TSHZ2: variants seen among roughly 807,000 people sequenced by gnomAD.
TSHZ2 encodes teashirt zinc finger homeobox 2.
TSHZ2 carries 21 observed loss-of-function variants against 74.4 expected under a neutral mutation model. The ratio of observed to expected loss-of-function variants is 0.28; its 90% CI spans 0.20 to 0.41. The LOEUF (loss-of-function observed/expected upper bound fraction) is 0.41, where lower values mean the gene tolerates loss of function less well. Ranked by LOEUF, TSHZ2 falls within the 10% of genes least tolerant of loss-of-function variation. The probability of loss-of-function intolerance (pLI) is 1.00; values close to 1 mark genes in which losing one functional copy is unlikely to be tolerated. For missense variants in TSHZ2, 1,244 were observed against 1,293.5 expected (o/e 0.96, Z 0.59); for synonymous variants, 540 against 515.3 (o/e 1.05, Z -0.65).
chr20:53,163,360 CTTTTT>C (rs55685519), intron 1 of TSHZ2, among the ~76,000 whole-genome samples: 5 of 65,634 alleles, frequency 7.6e-5, no homozygotes, highest in East Asian at 1.2e-3. Flanking sequence ...CTCTCTGTCT[CTTTTT>C]TTTTTTTTTT....
chr20:53,222,085 A>G (rs758823817), intron 1 of TSHZ2, among the ~76,000 whole-genome samples: 3 of 152,180 alleles, frequency 2.0e-5, no homozygotes, highest in Admixed American at 2.0e-4. Context: ...TACTTCTTAT[A>G]ATATTTAGGC....
intron 2 of TSHZ2, among the ~76,000 whole-genome samples, chr20:53,416,217 C>A (rs150919047): frequency 6.6e-6 from 1 of 152,252 alleles, no homozygotes. Context: ...AGAACACAGA[C>A]CCCAGAGGGC....
chr20:53,293,775 T>C (rs1991325080), intron 2 of TSHZ2, among the ~76,000 whole-genome samples: 1 of 151,346 alleles, frequency 6.6e-6, no homozygotes, highest in Non-Finnish European at 1.5e-5. Context: ...CCCAGCACTT[T>C]GGGAAGCCAA....
At chr20:53,225,435 G>C (rs1020549086) in intron 1 of TSHZ2, among the ~76,000 whole-genome samples, 15 of 152,252 alleles carry the variant, frequency 9.9e-5, no homozygotes, top group Non-Finnish European at 1.0e-4. Flanking sequence ...TTAACGGAGA[G>C]AGCTGGATTC....
Position 53,383,119 on chromosome 20 carries a change from C to T in TSHZ2, c.*9-104025C>T, listed in dbSNP as rs1050698702. On this transcript the variant is annotated intron_variant, in intron 2 of 2. Coordinates refer to ENST00000371497, the MANE Select transcript of TSHZ2 (RefSeq NM_173485.6). ...CTAATAAAATACAAAAGAAATTAGC[C>T]GGGGGTGGCGGTGTGCACCTGTAGT... is the stretch of plus-strand genomic sequence containing the variant. Among the ~76,000 whole-genome samples, 10 of 151,702 alleles carry T rather than the reference C, an allele frequency of 6.6e-5. No homozygotes were observed. In the South Asian group the frequency reaches 1.7e-3, roughly 25 times the overall value.
chr20:53,328,472 C>G (rs933502875), intron 2 of TSHZ2, among the ~76,000 whole-genome samples: 3 of 152,216 alleles, frequency 2.0e-5, no homozygotes, highest in Admixed American at 6.5e-5. Context: ...AATTTGTCCT[C>G]TCTGCAATGC....
chr20:53,049,629 T>C (rs1233735752), intron 1 of TSHZ2, among the ~76,000 whole-genome samples: 3 of 152,064 alleles, frequency 2.0e-5, no homozygotes, highest in Non-Finnish European at 4.4e-5. Flanking sequence ...AGGATTCAGC[T>C]TGGGATTGTA....
intron 1 of TSHZ2, among the ~76,000 whole-genome samples, chr20:53,096,964 AAAC>A (rs1201688259): frequency 2.0e-5 from 3 of 152,136 alleles, no homozygotes; most frequent in African/African-American, 4.8e-5. Context: ...AAACAACAAA[AAAC>A]AAGTTTTGTC....
rs578082408 is a variant in TSHZ2, at chr20:53,140,021, G to A, written c.41-113478G>A. Reference sequence around the variant, plus strand: ...AATTTTCTCAGTCCTTCATTAATTCGTTCGACAAATATTTACTGAGCACCT... The same window carrying A: ...AATTTTCTCAGTCCTTCATTAATTCATTCGACAAATATTTACTGAGCACCT... On this transcript the variant is annotated intron_variant, in intron 1 of 2. Coordinates refer to ENST00000371497, the MANE Select transcript of TSHZ2 (RefSeq NM_173485.6). Among the ~76,000 whole-genome samples the A allele has an allele frequency of 4.6e-5, 7 of 151,938 alleles. No homozygotes were observed. The South Asian group carries it at 1.0e-3, about 23-fold the overall frequency.
intron 1 of TSHZ2, chr20:53,168,806 T>A (rs763404951): frequency 1.3e-5 from 2 of 152,224 alleles, no homozygotes; most frequent in Non-Finnish European, 2.9e-5. Context: ...GCCCATCACT[T>A]CTTCCCTCAT....
chr20:52,989,967 T>C (rs535600495), intron 1 of TSHZ2, among the ~76,000 whole-genome samples: 2 of 151,754 alleles, frequency 1.3e-5, no homozygotes, highest in Non-Finnish European at 2.9e-5. Flanking sequence ...TAATTATATA[T>C]ATATAACTAA....
intron 2 of TSHZ2, among the ~76,000 whole-genome samples, chr20:53,267,702 A>T (rs1990749291): frequency 6.6e-6 from 1 of 152,220 alleles, no homozygotes; most frequent in African/African-American, 2.4e-5. Flanking sequence ...AAGGTCAGAT[A>T]CTCACAAACA....
chr20:52,988,311 T>C (rs1477780405), intron 1 of TSHZ2, among the ~76,000 whole-genome samples: 1 of 152,114 alleles, frequency 6.6e-6, no homozygotes, highest in African/African-American at 2.4e-5. Context: ...TGGTTATGAT[T>C]ATTGGCCAAT....
chr20:53,140,950 T>C (rs1298298781), intron 1 of TSHZ2, among the ~76,000 whole-genome samples: 1 of 152,208 alleles, frequency 6.6e-6, no homozygotes, highest in Non-Finnish European at 1.5e-5. Context: ...TTGTGTGTCT[T>C]GCATTTCAAA....
chr20:53,394,761 C>CAAAA lies in TSHZ2; in HGVS notation c.*9-92367_*9-92364dup, dbSNP rs3042185. On this transcript the variant is annotated intron_variant, in intron 2 of 2. Coordinates refer to ENST00000371497, the MANE Select transcript of TSHZ2 (RefSeq NM_173485.6). Reference sequence around the variant, plus strand: ...GCAAACATCACTAATCAATCTGTCTCAAAAAAAAAAAAAAAAAAACTGTTC... The same window carrying CAAAA: ...GCAAACATCACTAATCAATCTGTCTCAAAAAAAAAAAAAAAAAAAAAAACTGTTC... Among the ~76,000 whole-genome samples the CAAAA allele has an allele frequency of 1.1e-3, 82 of 72,354 alleles. 3 individuals carry two copies. Among genetic ancestry groups the CAAAA allele is most frequent in the African/African-American group, 4.3e-3 (80 of 18,636 alleles). The allele number at this position is 72,354 out of a possible 152,430, so 47.5% of individuals were successfully genotyped here. A position where few individuals can be genotyped will look rare whatever the true frequency, so the allele number is the denominator to read the frequency against.
intron 1 of TSHZ2, among the ~76,000 whole-genome samples, chr20:53,006,244 A>G (rs1056504517): frequency 6.6e-6 from 1 of 152,222 alleles, no homozygotes; most frequent in East Asian, 1.9e-4. Flanking sequence ...CCTACTGAAA[A>G]ATCATTAGTG....
At chr20:53,183,707 C>T (rs577144471) in intron 1 of TSHZ2, among the ~76,000 whole-genome samples, 1 of 152,310 alleles carries the variant, frequency 6.6e-6, no homozygotes, top group Admixed American at 6.5e-5. Flanking sequence ...GACTGACATA[C>T]TAGGGACCTG....
intron 2 of TSHZ2, among the ~76,000 whole-genome samples, chr20:53,412,135 G>A (rs565113576): frequency 6.6e-6 from 1 of 152,262 alleles, no homozygotes; most frequent in South Asian, 2.1e-4. Context: ...TTAAGACTCA[G>A]TTCACAGATC....
At chr20:53,047,576 G>A (rs1249909183) in intron 1 of TSHZ2, among the ~76,000 whole-genome samples, 1 of 152,150 alleles carries the variant, frequency 6.6e-6, no homozygotes, top group African/African-American at 2.4e-5. Context: ...CAGAGGCTGG[G>A]AAATGTAGTC....
Sources: gnomAD v4.1 joint callset for allele counts (sites outside exome capture counted in the v4.1 genomes callset) on GRCh38, gnomAD v4.1.1 for gene constraint, MANE v1.5 for transcripts, NCBI Gene and HGNC (gene_info 2026-07-23, HGNC 2026-07-21) for gene names.